Variants in RAB2A observed in about 807,000 individuals in gnomAD.
RAB2A encodes ras-related protein Rab-2A.
A neutral mutation model predicts 32.5 loss-of-function variants in RAB2A; 7 were observed. That is an observed-to-expected ratio of 0.22 (90% CI 0.12 to 0.40). The LOEUF (loss-of-function observed/expected upper bound fraction) is 0.40. Ranked by LOEUF, RAB2A falls within the 10% of genes least tolerant of loss-of-function variation. RAB2A has a pLI of 1.00. For missense variants in RAB2A, 108 were observed against 260.7 expected, an observed-to-expected ratio of 0.41 and a Z score of 4.03; for synonymous variants, 79 against 85.2, an observed-to-expected ratio of 0.93 and a Z score of 0.40.
chr8:60,604,530 A>G lies in RAB2A; in HGVS notation c.474+12561A>G, dbSNP rs140894231. 8.2e-3 allele frequency among the ~76,000 whole-genome samples: 1,250 copies of G among 152,294 alleles called. 16 individuals are homozygous for G. Among genetic ancestry groups the G allele is most frequent in the African/African-American group, 0.028 (1,147 of 41,568 alleles). ...CTTGAATTGTGACCAAAATGCTGAT[A>G]ATGATGTGGACAATGAAACCCAGGC... On this transcript the variant is annotated intron_variant, in intron 6 of 7. Transcript: ENST00000262646.
chr8:60,576,091 CATCA>C (rs1803620012), intron 3 of RAB2A: 1 of 386,876 alleles, frequency 2.6e-6, no homozygotes. Context: ...GCATGAAGGC[CATCA>C]ATCAGTTTCA....
chr8:60,606,151 A>AAAACAAAC, intron 6 of RAB2A, among the ~76,000 whole-genome samples: 1 of 152,028 alleles, frequency 6.6e-6, no homozygotes, highest in South Asian at 2.1e-4. Flanking sequence ...TCCGTCTTAG[A>AAAACAAAC]AAACAAACAA....
At chr8:60,568,123 GA>G (rs1808143080) in intron 2 of RAB2A, among the ~76,000 whole-genome samples, 1 of 152,208 alleles carries the variant, frequency 6.6e-6, no homozygotes, top group Non-Finnish European at 1.5e-5. Context: ...TCAGGAACAG[GA>G]ATGGGGGATA....
At chr8:60,549,031 C>T (rs1453102151) in intron 1 of RAB2A, among the ~76,000 whole-genome samples, 1 of 151,264 alleles carries the variant, frequency 6.6e-6, no homozygotes, top group Non-Finnish European at 1.5e-5. Context: ...CTCCCCACAT[C>T]TCAGACGATG....
chr8:60,537,002 C>T (rs530413789), intron 1 of RAB2A, among the ~76,000 whole-genome samples: 26 of 152,238 alleles, frequency 1.7e-4, no homozygotes, highest in Non-Finnish European at 2.5e-4. Flanking sequence ...AGATTCTTCC[C>T]AGTTTATTTA....
chr8:60,525,933 ATATATATGTCTATATATG>A (rs1334892117), intron 1 of RAB2A, among the ~76,000 whole-genome samples: 94 of 147,752 alleles, frequency 6.4e-4, no homozygotes, highest in African/African-American at 2.1e-3. Flanking sequence ...ATAAAGATAT[ATATATATGTCTATATATG>A]TATATATGTA....
At position 60,594,531 on chromosome 8, in the gene RAB2A, G is replaced by A. The variant is rs532591187; in HGVS notation, c.474+2562G>A. On this transcript the variant is annotated intron_variant, in intron 6 of 7. Coordinates refer to ENST00000262646, the MANE Select transcript of RAB2A (RefSeq NM_002865.3). ...AAGTTCTAGGTTACATGTGCACAAC[G>A]AGCAGGTTTGTTACCTAGGTATATA... Among the ~76,000 whole-genome samples, 10 of 152,180 alleles carry A rather than the reference G, an allele frequency of 6.6e-5. No homozygotes were observed. In the South Asian group the frequency reaches 1.7e-3, roughly 25 times the overall value.
chr8:60,593,719 C>T (rs986768603), intron 6 of RAB2A, among the ~76,000 whole-genome samples: 1 of 151,966 alleles, frequency 6.6e-6, no homozygotes, highest in African/African-American at 2.4e-5. Flanking sequence ...CCAGGAAGAT[C>T]TTAAATTGAA....
intron 1 of RAB2A, among the ~76,000 whole-genome samples, chr8:60,543,952 C>G (rs889760996): frequency 3.3e-5 from 5 of 150,894 alleles, no homozygotes; most frequent in Admixed American, 6.6e-5. Flanking sequence ...ATCCCAGCTA[C>G]TCAGGAGGCT....
chr8:60,575,486 T>G (rs1022022664), intron 3 of RAB2A, among the ~76,000 whole-genome samples: 4 of 152,126 alleles, frequency 2.6e-5, no homozygotes. Flanking sequence ...GTCTGTACAT[T>G]TGGATAGCCG....
At chr8:60,588,391 C>T (rs1037084862) in intron 5 of RAB2A, among the ~76,000 whole-genome samples, 9 of 152,186 alleles carry the variant, frequency 5.9e-5, no homozygotes, top group Non-Finnish European at 1.0e-4. Context: ...TACAAATATT[C>T]ATACCAGCTT....
chr8:60,613,204 T>C (rs1804387822), intron 6 of RAB2A, among the ~76,000 whole-genome samples: 1 of 152,190 alleles, frequency 6.6e-6, no homozygotes, highest in South Asian at 2.1e-4. Context: ...AGAGCATTGA[T>C]CACCATTTCT....
chr8:60,528,515 C>G (rs1807426333), intron 1 of RAB2A, among the ~76,000 whole-genome samples: 5 of 152,002 alleles, frequency 3.3e-5, no homozygotes, highest in Admixed American at 3.3e-4. Flanking sequence ...TCCCACTGTC[C>G]CCCACTTAGC....
Position 60,538,091 on chromosome 8 carries a change from A to G in RAB2A, c.47-20761A>G, listed in dbSNP as rs369895338. On this transcript the variant is annotated intron_variant, in intron 1 of 7. Transcript: ENST00000262646. ...AGTTGGGAGGAAGAAAGGAATAGGGATGCCATTTTTGCCGCATTCTTACTT... is the reference window on the plus strand; with the variant it reads ...AGTTGGGAGGAAGAAAGGAATAGGGGTGCCATTTTTGCCGCATTCTTACTT... 9.2e-5 allele frequency among the ~76,000 whole-genome samples: 14 copies of G among 152,330 alleles called. No homozygotes were observed. The South Asian group carries it at 2.7e-3, about 29-fold the overall frequency.
chr8:60,606,851 C>T (rs1342360646), intron 6 of RAB2A, among the ~76,000 whole-genome samples: 1 of 152,218 alleles, frequency 6.6e-6, no homozygotes, highest in African/African-American at 2.4e-5. Context: ...GTGGCCTGAC[C>T]TACAAAACTG....
chr8:60,574,113 A>T (rs543098228), intron 3 of RAB2A, among the ~76,000 whole-genome samples: 3 of 152,316 alleles, frequency 2.0e-5, no homozygotes, highest in South Asian at 4.1e-4. Context: ...AAATACTTGT[A>T]TTGCTTGAAG....
chr8:60,580,686 G>A (rs1803730817), intron 3 of RAB2A, among the ~76,000 whole-genome samples: 1 of 152,170 alleles, frequency 6.6e-6, no homozygotes, highest in African/African-American at 2.4e-5. Flanking sequence ...CAAATGTATT[G>A]TGTAAGTTAT....
chr8:60,585,339 G>A (rs1803830722), intron 5 of RAB2A, among the ~76,000 whole-genome samples: 1 of 143,742 alleles, frequency 7.0e-6, no homozygotes, highest in African/African-American at 2.9e-5. Flanking sequence ...TTGAGACAGG[G>A]ACTCACTCTG....
At chr8:60,529,377 TG>T (rs1807441709) in intron 1 of RAB2A, among the ~76,000 whole-genome samples, 1 of 152,190 alleles carries the variant, frequency 6.6e-6, no homozygotes. Flanking sequence ...TTTTGACCTT[TG>T]GGGAGAGATG....
Sources: gnomAD v4.1 joint callset for allele counts (sites outside exome capture counted in the v4.1 genomes callset) on GRCh38, gnomAD v4.1.1 for gene constraint, MANE v1.5 for transcripts, NCBI Gene and HGNC (gene_info 2026-07-23, HGNC 2026-07-21) for gene names.